Variants in ABCC5 observed in about 807,000 individuals in gnomAD.
ABCC5 encodes ATP binding cassette subfamily C member 5, also known as ATP-binding cassette sub-family C member 5.
In ABCC5, 61 loss-of-function variants were observed where a neutral mutation model predicts 160.9. The ratio of observed to expected loss-of-function variants is 0.38; its 90% CI spans 0.31 to 0.47. The LOEUF (loss-of-function observed/expected upper bound fraction) is 0.47. ABCC5 is among the 20% of genes least tolerant of loss of function. The pLI, the probability that ABCC5 is intolerant of heterozygous loss-of-function variation, is 0.99. For missense variants in ABCC5, 1,308 were observed against 1,813.3 expected, an observed-to-expected ratio of 0.72 and a Z score of 5.06; for synonymous variants, 666 against 700.6, an observed-to-expected ratio of 0.95 and a Z score of 0.78.
At chr3:184,002,546 T>A (rs1021665736) in intron 2 of ABCC5, among the ~76,000 whole-genome samples, 8 of 152,158 alleles carry the variant, frequency 5.3e-5, no homozygotes, top group Non-Finnish European at 1.0e-4. Context: ...AGCAGACAGA[T>A]CTGCTCTTGC....
In ABCC5 at chr3:183,988,487, G is replaced by A; in HGVS notation, c.443+85C>T. On this transcript the variant is annotated intron_variant, in intron 4 of 29. Coordinates refer to ENST00000334444, the MANE Select transcript of ABCC5 (RefSeq NM_005688.4). This position sits in a 1 kb window ranked among gnomAD's most constrained non-coding sequence, Gnocchi z 4.4. ...CCACTGGACAGCTCGGCTCTTTAAAGACACAGAGCTGTGGACTTCACACTC... is the reference window on the plus strand; with the variant it reads ...CCACTGGACAGCTCGGCTCTTTAAAAACACAGAGCTGTGGACTTCACACTC... 6.7e-7 allele frequency: 1 copy of A among 1,499,064 alleles called. No individual in the cohort carries two copies. Among genetic ancestry groups the A allele is most frequent in the Non-Finnish European group, 8.9e-7 (1 of 1,120,976 alleles). 92.9% of individuals were successfully genotyped at this position (1,499,064 alleles called of 1,614,324 possible). A position where few individuals can be genotyped will look rare whatever the true frequency, so the allele number is the denominator to read the frequency against.
At chr3:183,992,855 G>A (rs2108878914) in intron 2 of ABCC5, among the ~76,000 whole-genome samples, 2 of 152,222 alleles carry the variant, frequency 1.3e-5, no homozygotes, top group East Asian at 3.9e-4. Context: ...TAAGCTAGGG[G>A]TTGACAAACA....
At chr3:183,924,010 CTT>C (rs200040197) in intron 29 of ABCC5, among the ~76,000 whole-genome samples, 6 of 112,796 alleles carry the variant, frequency 5.3e-5, no homozygotes, top group Non-Finnish European at 5.1e-5. Context: ...TTACTGTTTG[CTT>C]TTTTTTTTTT....
In ABCC5 at chr3:183,987,564, C is replaced by T; in HGVS notation, c.591+206G>A. On this transcript the variant is annotated intron_variant, in intron 5 of 29. Transcript: ENST00000334444. This position sits in a 1 kb window ranked among gnomAD's most constrained non-coding sequence, Gnocchi z 4.2. Reference sequence around the variant, plus strand: ...TTTCACCCCCACCCAGAAATCAAGCCAGTTCCATTTCTTCTCTGGCAACAC... The same window carrying T: ...TTTCACCCCCACCCAGAAATCAAGCTAGTTCCATTTCTTCTCTGGCAACAC... 3.0e-6 allele frequency: 2 copies of T among 676,356 alleles called. No homozygotes were observed. Among genetic ancestry groups the T allele is most frequent in the East Asian group, 2.7e-5 (1 of 36,904 alleles). The allele number at this position is 676,356 out of a possible 1,614,324, so 41.9% of individuals were successfully genotyped here.
intron 26 of ABCC5, among the ~76,000 whole-genome samples, chr3:183,931,123 G>T (rs944232752): frequency 2.6e-5 from 4 of 152,074 alleles, no homozygotes; most frequent in Non-Finnish European, 5.9e-5. Flanking sequence ...ATGCTGTAAT[G>T]AACATTATTT....
intron 26 of ABCC5, among the ~76,000 whole-genome samples, chr3:183,930,901 G>A (rs919022320): frequency 2.0e-5 from 3 of 152,214 alleles, no homozygotes; most frequent in African/African-American, 7.2e-5. Context: ...TCCATCAGAT[G>A]CCTCTGGATC....
intron 28 of ABCC5, 45 bp downstream of exon 28, chr3:183,927,284 TA>T: frequency 6.3e-7 from 1 of 1,590,960 alleles, no homozygotes; most frequent in Non-Finnish European, 8.6e-7. Flanking sequence ...AAGGCTGCAC[TA>T]AAACATTCCC....
intron 16 of ABCC5, among the ~76,000 whole-genome samples, chr3:183,960,514 C>T (rs1242806865): frequency 6.6e-6 from 1 of 152,158 alleles, no homozygotes; most frequent in Non-Finnish European, 1.5e-5. Context: ...CCCTCCCATT[C>T]GCCCTTAGAA....
chr3:183,951,351 A>G lies in ABCC5; in HGVS notation c.2944+90T>C. On this transcript the variant is annotated intron_variant, in intron 20 of 29. Transcript: ENST00000334444. The surrounding 1 kb of genome is among the most constrained non-coding windows in gnomAD (Gnocchi z 4.7). ...GTCACTGTGCTCTCAGGATCTACAG[A>G]CAGACAGATCTGCACATTTGGAGAA... 1 of 1,521,218 alleles carries G rather than the reference A, an allele frequency of 6.6e-7. No individual in the cohort carries two copies. 94.2% of individuals were successfully genotyped at this position (1,521,218 alleles called of 1,614,324 possible).
intron 12 of ABCC5, among the ~76,000 whole-genome samples, chr3:183,967,135 C>T (rs1187308933): frequency 3.3e-5 from 5 of 151,890 alleles, no homozygotes; most frequent in African/African-American, 7.3e-5. Context: ...GGGCCCTGCA[C>T]GCTGTTCACT....
At chr3:183,923,444 G>A (rs548236701) in intron 29 of ABCC5, among the ~76,000 whole-genome samples, 1 of 152,176 alleles carries the variant, frequency 6.6e-6, no homozygotes, top group South Asian at 2.1e-4. Context: ...CCAACATGGT[G>A]AAACCCTGTG....
At chr3:183,952,984 T>G in intron 18 of ABCC5, 102 bp downstream of exon 18, 1 of 1,312,854 alleles carries the variant, frequency 7.6e-7, no homozygotes, top group South Asian at 1.5e-5. Flanking sequence ...TACAGCTTCT[T>G]TTAAGTGAAA....
Position 183,952,020 on chromosome 3 carries a change from T to C in ABCC5, c.2668-17A>G. ...AGTGGTGTTCTGTTTGAAGCCAAAG[T>C]TCTATGAGGCCAGACTCCTAACGAC... On this transcript the variant is annotated splice_polypyrimidine_tract_variant and intron_variant, in intron 18 of 29. Coordinates refer to ENST00000334444, the MANE Select transcript of ABCC5 (RefSeq NM_005688.4). The C allele has an allele frequency of 6.2e-7, 1 of 1,601,240 alleles. No homozygotes were observed. The highest frequency in any genetic ancestry group is 8.5e-7 in the Non-Finnish European group (1 of 1,170,480).
Position 183,982,940 on chromosome 3 carries a change from AAC to A in ABCC5, c.657_658del (p.Leu219PhefsTer41). On this transcript the variant is annotated frameshift_variant, in exon 6 of 30. Coordinates refer to ENST00000334444, the MANE Select transcript of ABCC5 (RefSeq NM_005688.4). LOFTEE classifies it high-confidence loss of function. The surrounding 1 kb of genome is among the most constrained non-coding windows in gnomAD (Gnocchi z 5.2). ...CGTCAGGAGGAGGCCCAGCACTAAC[AAC>A]AAGCTGTACTGCAGGTTAGACTCTG... 6.2e-7 allele frequency: 1 copy of A among 1,614,274 alleles called. No individual in the cohort carries two copies. The highest frequency in any genetic ancestry group is 8.5e-7 in the Non-Finnish European group (1 of 1,180,046).
chr3:183,964,279 G>T (rs1717029759), intron 14 of ABCC5, among the ~76,000 whole-genome samples: 1 of 152,192 alleles, frequency 6.6e-6, no homozygotes, highest in Non-Finnish European at 1.5e-5. Flanking sequence ...TTTACGTGCA[G>T]ATTATTGTCT....
intron 23 of ABCC5, 72 bp downstream of exon 23, chr3:183,947,252 T>G: frequency 7.0e-7 from 1 of 1,420,998 alleles, no homozygotes; most frequent in Non-Finnish European, 9.4e-7. Flanking sequence ...CCCCCCACAA[T>G]CATCCCTCTT....
chr3:183,934,249 T>G (rs962570356), intron 26 of ABCC5, among the ~76,000 whole-genome samples: 3 of 152,212 alleles, frequency 2.0e-5, no homozygotes, highest in Non-Finnish European at 2.9e-5. Flanking sequence ...GAGGTTGCAG[T>G]GAGCTGAAAC....
At chr3:183,958,250 G>GC (rs1310530503) in intron 17 of ABCC5, among the ~76,000 whole-genome samples, 1 of 152,156 alleles carries the variant, frequency 6.6e-6, no homozygotes, top group Non-Finnish European at 1.5e-5. Context: ...ATTGCATGAC[G>GC]CTGAGGTCTG....
intron 25 of ABCC5, among the ~76,000 whole-genome samples, chr3:183,938,943 G>A (rs999858980): frequency 4.6e-5 from 7 of 152,148 alleles, no homozygotes; most frequent in Non-Finnish European, 1.0e-4. Context: ...AGCAGGTTTG[G>A]GGGATCAGTG....
Sources: allele counts gnomAD v4.1 joint callset (sites outside exome capture counted in the v4.1 genomes callset), GRCh38; gene constraint gnomAD v4.1.1; non-coding constraint Gnocchi (gnomAD v3.1); transcripts MANE v1.5; gene names NCBI Gene and HGNC (gene_info 2026-07-23, HGNC 2026-07-21).